The following IFT57 variants were observed in gnomAD, a reference collection of about 807,000 sequenced individuals.
IFT57 encodes the protein intraflagellar transport 57.
IFT57 carries 59 observed loss-of-function variants against 56.8 expected under a neutral mutation model. That is an observed-to-expected ratio of 1.04 (90% CI 0.84 to 1.29). The LOEUF (loss-of-function observed/expected upper bound fraction) is 1.29. Among genes scored for constraint, IFT57 ranks in the 50% most tolerant of loss-of-function variants. The pLI is 0.00. For missense variants in IFT57, 470 were observed against 522.1 expected, an observed-to-expected ratio of 0.90 and a Z score of 0.97; for synonymous variants, 209 against 186.1, an observed-to-expected ratio of 1.12 and a Z score of -1.00.
At position 108,198,997 on chromosome 3, in the gene IFT57, TA is replaced by T. The variant is rs542751497; in HGVS notation, c.655-7355del. 3.3e-5 allele frequency among the ~76,000 whole-genome samples: 5 copies of T among 152,328 alleles called. No individual in the cohort carries two copies. The East Asian group carries it at 9.6e-4, about 29-fold the overall frequency. On this transcript the variant is annotated intron_variant, in intron 5 of 10. Transcript: ENST00000264538. ...ACTTCTGTGTATATTTTCAGACTTA[TA>T]AAAAATTGCATCAATATCACACAAA...
intron 6 of IFT57, among the ~76,000 whole-genome samples, chr3:108,184,736 G>A (rs907133781): frequency 1.2e-4 from 18 of 152,220 alleles, no homozygotes; most frequent in Non-Finnish European, 2.2e-4. Context: ...TGCAAATATT[G>A]CTTAAAATGT....
chr3:108,171,152 A>G (rs1314822968), intron 6 of IFT57, among the ~76,000 whole-genome samples: 1 of 151,870 alleles, frequency 6.6e-6, no homozygotes, highest in Non-Finnish European at 1.5e-5. Context: ...GCAGGGTAAG[A>G]AACTGCTTGG....
chr3:108,161,224 T>C lies in IFT57; in HGVS notation c.*1253A>G, dbSNP rs2080030080. On this transcript the variant is annotated 3_prime_UTR_variant, in exon 11 of 11. Transcript: ENST00000264538. Reference sequence around the variant, plus strand: ...TTTTCCCATGGTGGGTTTTCTGCCTTTTTTTTTTTAAACAAATTAAATAAA... The same window carrying C: ...TTTTCCCATGGTGGGTTTTCTGCCTCTTTTTTTTTAAACAAATTAAATAAA... The C allele has an allele frequency of 2.2e-5, 1 of 44,896 alleles. No homozygotes were observed. Among genetic ancestry groups the C allele is most frequent in the Admixed American group, 2.6e-4 (1 of 3,848 alleles). 2.8% of individuals were successfully genotyped at this position (44,896 alleles called of 1,614,324 possible). A position where few individuals can be genotyped will look rare whatever the true frequency, so the allele number is the denominator to read the frequency against.
chr3:108,181,064 C>T (rs72931687), intron 6 of IFT57, among the ~76,000 whole-genome samples: 11,730 of 151,908 alleles, frequency 0.077, 711 homozygotes, highest in East Asian at 0.24. Context: ...TTACAACTTA[C>T]GGTAATCTCT....
At chr3:108,164,565 T>A (rs759596683) in intron 9 of IFT57, among the ~76,000 whole-genome samples, 11 of 124,210 alleles carry the variant, frequency 8.9e-5, no homozygotes, top group Non-Finnish European at 1.8e-4. Flanking sequence ...GGGATAACTA[T>A]CTACTCCAAA....
intron 6 of IFT57, among the ~76,000 whole-genome samples, chr3:108,181,515 G>A (rs180854202): frequency 2.0e-5 from 3 of 152,132 alleles, no homozygotes; most frequent in Admixed American, 6.6e-5. Context: ...AGTTCCCCTC[G>A]TTCTCTGAGA....
chr3:108,188,004 A>G (rs950485151), intron 6 of IFT57, among the ~76,000 whole-genome samples: 3 of 148,790 alleles, frequency 2.0e-5, no homozygotes, highest in Non-Finnish European at 3.0e-5. Flanking sequence ...TTTGTTACGT[A>G]TGTAGCATGT....
intron 6 of IFT57, among the ~76,000 whole-genome samples, chr3:108,176,110 A>T (rs188427060): frequency 6.6e-6 from 1 of 152,028 alleles, no homozygotes; most frequent in East Asian, 1.9e-4. Flanking sequence ...GCCCACAATT[A>T]TAATGGTAAT....
In IFT57 at chr3:108,167,793, C is replaced by A; in HGVS notation, c.849G>T (p.Lys283Asn). Residue 283 changes from lysine (K) to asparagine (N), a missense_variant and splice_region_variant, in exon 7 of 11, where the codon AAG (lysine) becomes AAT (asparagine). Physicochemically the swap from Lys to Asn is moderately conservative, Grantham distance 94. Transcript: ENST00000264538. ...GATTCACGTAAAGTAATTCATATAC[C>A]TTGGTCTCCTTTAGAGCAGATTCAA... ...SGIESALKET[K>N]GFLDKLHNEI... 1 of 1,557,514 alleles carries A rather than the reference C, an allele frequency of 6.4e-7. No homozygotes were observed. Among genetic ancestry groups the A allele is most frequent in the Non-Finnish European group, 8.7e-7 (1 of 1,149,918 alleles).
intron 10 of IFT57, among the ~76,000 whole-genome samples, chr3:108,163,052 A>G (rs2080042324): frequency 6.6e-6 from 1 of 152,164 alleles, no homozygotes; most frequent in South Asian, 2.1e-4. Flanking sequence ...ATTGCAAAAA[A>G]AAAATCCTAA....
At chr3:108,215,609 T>A (rs2080367782) in intron 3 of IFT57, among the ~76,000 whole-genome samples, 1 of 150,848 alleles carries the variant, frequency 6.6e-6, no homozygotes, top group Non-Finnish European at 1.5e-5. Context: ...TGCAAAATAC[T>A]ATGAACTAAA....
chr3:108,175,125 G>A (rs9825043), intron 6 of IFT57, among the ~76,000 whole-genome samples: 14,642 of 151,622 alleles, frequency 0.097, 777 homozygotes, highest in Middle Eastern at 0.12. Flanking sequence ...AAGATAAACC[G>A]AGAATTCTTT....
intron 1 of IFT57, among the ~76,000 whole-genome samples, chr3:108,219,807 GACCTTAC>G (rs1397009644): frequency 1.3e-5 from 2 of 152,116 alleles, no homozygotes; most frequent in Non-Finnish European, 2.9e-5. Flanking sequence ...TTAGATCAAA[GACCTTAC>G]ACCCAGGAAA....
rs16854274 is a variant in IFT57, at chr3:108,184,119, C to T, written c.777+7402G>A. Among the ~76,000 whole-genome samples the T allele has an allele frequency of 4.9e-3, 751 of 152,216 alleles. 15 individuals are homozygous for T. Among genetic ancestry groups the T allele is most frequent in the East Asian group, 0.047 (242 of 5,172 alleles). On this transcript the variant is annotated intron_variant, in intron 6 of 10. Coordinates refer to ENST00000264538, the MANE Select transcript of IFT57 (RefSeq NM_018010.4). Reference sequence around the variant, plus strand: ...CAGTCAGTTTCTAAGAAATGGACTCCTGAGCCATACTCATTAGGTCATAAC... The same window carrying T: ...CAGTCAGTTTCTAAGAAATGGACTCTTGAGCCATACTCATTAGGTCATAAC...
intron 9 of IFT57, 152 bp downstream of exon 9, chr3:108,165,279 C>A: frequency 1.8e-6 from 1 of 566,354 alleles, no homozygotes; most frequent in South Asian, 2.6e-5. Context: ...ATTATTGATT[C>A]AGTCATAGGA....
chr3:108,215,798 T>A (rs536954729), intron 3 of IFT57, among the ~76,000 whole-genome samples: 13 of 152,318 alleles, frequency 8.5e-5, no homozygotes, highest in Admixed American at 5.9e-4. Flanking sequence ...TGTTGACTAC[T>A]TTTCAGCTCC....
intron 6 of IFT57, among the ~76,000 whole-genome samples, chr3:108,178,337 A>G (rs891719050): frequency 7.2e-5 from 11 of 151,910 alleles, no homozygotes; most frequent in African/African-American, 2.7e-4. Context: ...CTTAAAAAAG[A>G]AAACAGTCTG....
At chr3:108,199,262 T>C (rs1198198126) in intron 5 of IFT57, among the ~76,000 whole-genome samples, 2 of 152,226 alleles carry the variant, frequency 1.3e-5, no homozygotes, top group African/African-American at 4.8e-5. Flanking sequence ...TAAAATTTGA[T>C]TAACTTCCAA....
chr3:108,196,143 T>TA (rs962390399), intron 5 of IFT57, among the ~76,000 whole-genome samples: 3 of 151,788 alleles, frequency 2.0e-5, no homozygotes, highest in African/African-American at 7.3e-5. Flanking sequence ...TAACTAAAGA[T>TA]AAAAAAATAA....
Sources: gnomAD v4.1 joint callset for allele counts (sites outside exome capture counted in the v4.1 genomes callset) on GRCh38, gnomAD v4.1.1 for gene constraint, MANE v1.5 for transcripts, NCBI Gene and HGNC (gene_info 2026-07-23, HGNC 2026-07-21) for gene names.